CADM1: variants seen among roughly 807,000 people sequenced by gnomAD.
The protein encoded by CADM1 is TSLC-1.
In CADM1, 15 loss-of-function variants were observed where a neutral mutation model predicts 53.1. The ratio of observed to expected loss-of-function variants is 0.28; its 90% CI spans 0.19 to 0.44. The LOEUF (loss-of-function observed/expected upper bound fraction) is 0.44. CADM1 is among the 20% of genes least tolerant of loss of function. The pLI is 1.00. For missense variants in CADM1, 434 were observed against 611.3 expected, an observed-to-expected ratio of 0.71 and a Z score of 3.06; for synonymous variants, 281 against 243.0, an observed-to-expected ratio of 1.16 and a Z score of -1.45.
chr11:115,220,789 C>T (rs928550722), intron 5 of CADM1, among the ~76,000 whole-genome samples: 8 of 152,120 alleles, frequency 5.3e-5, no homozygotes, highest in African/African-American at 1.4e-4. Context: ...GAAACTTAAG[C>T]GTTTTCAACA....
At chr11:115,364,640 G>A (rs1168981916) in intron 1 of CADM1, among the ~76,000 whole-genome samples, 1 of 152,090 alleles carries the variant, frequency 6.6e-6, no homozygotes, top group East Asian at 1.9e-4. Context: ...TAGCATATTG[G>A]TATCTATGAT....
chr11:115,469,934 A>G (rs1166414933), intron 1 of CADM1, among the ~76,000 whole-genome samples: 1 of 152,114 alleles, frequency 6.6e-6, no homozygotes, highest in Non-Finnish European at 1.5e-5. Flanking sequence ...CGGCCTCCCA[A>G]ATTGCTGGGA....
intron 1 of CADM1, among the ~76,000 whole-genome samples, chr11:115,307,901 T>C (rs1219707383): frequency 7.9e-5 from 12 of 151,904 alleles, no homozygotes; most frequent in Non-Finnish European, 1.8e-4. Flanking sequence ...AACTGGGCTT[T>C]CTTTTTTAAA....
At chr11:115,380,324 C>G (rs1465912846) in intron 1 of CADM1, among the ~76,000 whole-genome samples, 2 of 152,160 alleles carry the variant, frequency 1.3e-5, no homozygotes, top group Non-Finnish European at 1.5e-5. Flanking sequence ...CAATTCTCAG[C>G]CCTCGCATGC....
chr11:115,369,562 C>T (rs1452815047), intron 1 of CADM1, among the ~76,000 whole-genome samples: 1 of 151,984 alleles, frequency 6.6e-6, no homozygotes, highest in Admixed American at 6.6e-5. Flanking sequence ...TAACAAGTTA[C>T]AAAGTAAATT....
chr11:115,339,784 T>C (rs2135241182), intron 1 of CADM1, among the ~76,000 whole-genome samples: 1 of 152,306 alleles, frequency 6.6e-6, no homozygotes, highest in East Asian at 1.9e-4. Context: ...TAAGAGAGTG[T>C]ATTTCCTTTT....
At chr11:115,347,592 T>A (rs986202997) in intron 1 of CADM1, among the ~76,000 whole-genome samples, 1 of 152,198 alleles carries the variant, frequency 6.6e-6, no homozygotes, top group Non-Finnish European at 1.5e-5. Context: ...CTTTTTGACA[T>A]GCAAGAAGAT....
intron 1 of CADM1, among the ~76,000 whole-genome samples, chr11:115,260,550 T>C (rs1042376577): frequency 6.6e-6 from 1 of 152,228 alleles, no homozygotes; most frequent in Admixed American, 6.5e-5. Flanking sequence ...TAACAAGACA[T>C]TAGGTCAAAT....
intron 1 of CADM1, among the ~76,000 whole-genome samples, chr11:115,298,663 T>C (rs1458207012): frequency 1.3e-5 from 2 of 152,228 alleles, no homozygotes; most frequent in Non-Finnish European, 2.9e-5. Context: ...GTTGGAAAGA[T>C]GCAACATTTT....
At chr11:115,256,366 T>C (rs557638201) in intron 1 of CADM1, among the ~76,000 whole-genome samples, 1 of 152,314 alleles carries the variant, frequency 6.6e-6, no homozygotes, top group Admixed American at 6.5e-5. Flanking sequence ...TCATAGAATG[T>C]CCAGGAGAAG....
At chr11:115,250,511 GA>G (rs1942568329) in intron 1 of CADM1, among the ~76,000 whole-genome samples, 1 of 152,108 alleles carries the variant, frequency 6.6e-6, no homozygotes, top group African/African-American at 2.4e-5. Flanking sequence ...TACATAAAGA[GA>G]AGAAAAGGAA....
At chr11:115,302,755 G>T (rs1026131390) in intron 1 of CADM1, among the ~76,000 whole-genome samples, 3 of 152,084 alleles carry the variant, frequency 2.0e-5, no homozygotes, top group African/African-American at 7.2e-5. Flanking sequence ...GTTGGCCCAG[G>T]AAAGGTTCTC....
intron 1 of CADM1, among the ~76,000 whole-genome samples, chr11:115,264,883 C>G (rs7129927): frequency 0.49 from 74,257 of 151,966 alleles, 20,010 homozygotes; most frequent in East Asian, 0.87. Context: ...AAGCTGGAAT[C>G]GGGTGGGAAT....
intron 1 of CADM1, among the ~76,000 whole-genome samples, chr11:115,243,008 G>A (rs2134928863): frequency 6.6e-6 from 1 of 152,312 alleles, no homozygotes; most frequent in Admixed American, 6.5e-5. Flanking sequence ...TGGGAAAAGA[G>A]GCATGTTGTC....
Position 115,392,390 on chromosome 11 carries a change from CAGAG to C in CADM1, c.124+111877_124+111880del, listed in dbSNP as rs529626163. Among the ~76,000 whole-genome samples, 773 of 151,810 alleles carry C rather than the reference CAGAG, an allele frequency of 5.1e-3. 6 individuals carry two copies. The highest frequency in any genetic ancestry group is 0.018 in the African/African-American group (743 of 41,414). ...TCAAGCAGAAAAGGCAAAAATTAGG[CAGAG>C]AATTTCTAAAGAGTTATAATAGGAC... On this transcript the variant is annotated intron_variant, in intron 1 of 11. Coordinates refer to ENST00000331581, the MANE Select transcript of CADM1 (RefSeq NM_001301043.2).
intron 1 of CADM1, among the ~76,000 whole-genome samples, chr11:115,437,126 T>G (rs184833793): frequency 7.9e-5 from 12 of 152,286 alleles, no homozygotes; most frequent in Admixed American, 3.9e-4. Context: ...CTAAGAGAAC[T>G]TACATGCTTG....
At chr11:115,179,664 C>A (rs182255129) in intron 10 of CADM1, among the ~76,000 whole-genome samples, 1 of 152,086 alleles carries the variant, frequency 6.6e-6, no homozygotes, top group African/African-American at 2.4e-5. Context: ...TAGTAAAAAA[C>A]AATTATTCTC....
chr11:115,341,250 G>A (rs557521703), intron 1 of CADM1, among the ~76,000 whole-genome samples: 9 of 152,038 alleles, frequency 5.9e-5, no homozygotes, highest in African/African-American at 1.2e-4. Flanking sequence ...TTCTGTTGCC[G>A]GCACTAAGTA....
chr11:115,483,617 C>T (rs959040594), intron 1 of CADM1, among the ~76,000 whole-genome samples: 1 of 152,166 alleles, frequency 6.6e-6, no homozygotes, highest in African/African-American at 2.4e-5. Context: ...CAATATAAAC[C>T]TACTAAATTT....
Sources: allele counts gnomAD v4.1 joint callset (sites outside exome capture counted in the v4.1 genomes callset), GRCh38; gene constraint gnomAD v4.1.1; transcripts MANE v1.5; gene names NCBI Gene and HGNC (gene_info 2026-07-23, HGNC 2026-07-21).